The following S1PR5 variants were observed in gnomAD, a reference collection of about 807,000 sequenced individuals.
S1PR5 encodes the protein sphingosine-1-phosphate receptor 5, also known as sphingosine 1-phosphate receptor 5.
For missense variants in S1PR5, 583 were observed against 571.7 expected (o/e 1.02, Z -0.20); for synonymous variants, 307 against 284.7 (o/e 1.08, Z -0.79).
At position 10,517,406 on chromosome 19, in the gene S1PR5, C is replaced by T; in HGVS notation, c.-27G>A. 1.0e-6 allele frequency: 1 copy of T among 985,632 alleles called. No individual in the cohort carries two copies. Among genetic ancestry groups the T allele is most frequent in the Non-Finnish European group, 1.2e-6 (1 of 830,086 alleles). The allele number at this position is 985,632 out of a possible 1,614,324, so 61.1% of individuals were successfully genotyped here. A position where few individuals can be genotyped will look rare whatever the true frequency, so the allele number is the denominator to read the frequency against. ...CAGTGCAGTCCACTCACTCTGCGCC[C>T]TGGTCGTGCGCCACCCGCAGTCGCG... On this transcript the variant is annotated 5_prime_UTR_variant, in exon 1 of 2. Transcript: ENST00000333430.
intron 1 of S1PR5, among the ~76,000 whole-genome samples, chr19:10,516,117 G>T (rs774018703): frequency 2.0e-5 from 3 of 152,018 alleles, no homozygotes; most frequent in Non-Finnish European, 4.4e-5. Flanking sequence ...ACAGAGTGAC[G>T]CAGGCAGAAA....
Position 10,513,494 on chromosome 19 carries a change from G to A in S1PR5, c.*321C>T. 1 of 541,768 alleles carries A rather than the reference G, an allele frequency of 1.8e-6. No homozygotes were observed. The highest frequency in any genetic ancestry group is 3.2e-6 in the Non-Finnish European group (1 of 311,436). The allele number at this position is 541,768 out of a possible 1,614,324, so 33.6% of individuals were successfully genotyped here. On this transcript the variant is annotated 3_prime_UTR_variant, in exon 2 of 2. Coordinates refer to ENST00000333430, the MANE Select transcript of S1PR5 (RefSeq NM_030760.5). The stretch of plus-strand genomic sequence containing the variant: ...AATGCTTTTCTTTTGGTCTTCCCAG[G>A]ACAGAGGTCTCAGCTCACATCACAA...
chr19:10,513,700 A>C lies in S1PR5; in HGVS notation c.*115T>G. On this transcript the variant is annotated 3_prime_UTR_variant, in exon 2 of 2. Coordinates refer to ENST00000333430, the MANE Select transcript of S1PR5 (RefSeq NM_030760.5). ...CACATTGTGGGGTGTCGCTGCATAA[A>C]TACATTTCCCCTGCATCTTTTCCGA... The C allele has an allele frequency of 7.0e-7, 1 of 1,432,936 alleles. No homozygotes were observed. The highest frequency in any genetic ancestry group is 9.4e-7 in the Non-Finnish European group (1 of 1,060,464). 88.8% of individuals were successfully genotyped at this position (1,432,936 alleles called of 1,614,324 possible).
chr19:10,513,354 C>T lies in S1PR5; in HGVS notation c.*461G>A, dbSNP rs1257007420. 11 of 400,304 alleles carry T rather than the reference C, an allele frequency of 2.7e-5. No homozygotes were observed. Among genetic ancestry groups the T allele is most frequent in the East Asian group, 2.6e-4 (7 of 26,524 alleles). 24.8% of individuals were successfully genotyped at this position (400,304 alleles called of 1,614,324 possible). A position where few individuals can be genotyped will look rare whatever the true frequency, so the allele number is the denominator to read the frequency against. On this transcript the variant is annotated 3_prime_UTR_variant, in exon 2 of 2. Coordinates refer to ENST00000333430, the MANE Select transcript of S1PR5 (RefSeq NM_030760.5). ...AACTACTCCTTCAGCTCCTTGTCTC[C>T]TCCCATTCTCCCCCTCCGTCCCTGC...
chr19:10,513,643 C>A lies in S1PR5; in HGVS notation c.*172G>T. The A allele has an allele frequency of 1.1e-6, 1 of 884,104 alleles. No individual in the cohort carries two copies. The highest frequency in any genetic ancestry group is 3.1e-5 in the Admixed American group (1 of 32,498). The allele number at this position is 884,104 out of a possible 1,614,324, so 54.8% of individuals were successfully genotyped here. A position where few individuals can be genotyped will look rare whatever the true frequency, so the allele number is the denominator to read the frequency against. On this transcript the variant is annotated 3_prime_UTR_variant, in exon 2 of 2. Transcript: ENST00000333430. Reference sequence around the variant, plus strand: ...TGTGTTCCCAAGCAGAACGTCAATTCCACGAGGGCACAGATTTTTTGTCTG... The same window carrying A: ...TGTGTTCCCAAGCAGAACGTCAATTACACGAGGGCACAGATTTTTTGTCTG...
intron 1 of S1PR5, chr19:10,516,984 T>G (rs1160083961): frequency 6.6e-6 from 1 of 152,252 alleles, no homozygotes; most frequent in Non-Finnish European, 1.5e-5. Flanking sequence ...CCAGAGAGCT[T>G]CAGTCACACA....
In S1PR5 at chr19:10,514,784, G is replaced by A. The variant is rs1409401794; in HGVS notation, c.228C>T (p.Gly76=). 8.7e-6 allele frequency: 14 copies of A among 1,613,044 alleles called. No individual in the cohort carries two copies. Among genetic ancestry groups the A allele is most frequent in the East Asian group, 2.2e-5 (1 of 44,882 alleles). The change falls in exon 2 of 2, where the codon GGC becomes GGT. Residue 76 remains glycine (G), a synonymous_variant. Transcript: ENST00000333430. ...RFHAPMFLLL[G]SLTLSDLLAG... is the part of the protein sequence containing the mutation. ...CCAGCAGATCCGACAACGTGAGGCT[G>A]CCCAGGAGCAGGAACATGGGAGCGT...
rs897807620 is a variant in S1PR5 at position 10,513,417 on chromosome 19, A to G, written c.*398T>C. ...AGCATCGCTGCATTTCTTAGAACACATGGGCACATTTCAGCCTCAGGGCCT... is the reference window on the plus strand; with the variant it reads ...AGCATCGCTGCATTTCTTAGAACACGTGGGCACATTTCAGCCTCAGGGCCT... On this transcript the variant is annotated 3_prime_UTR_variant, in exon 2 of 2. Transcript: ENST00000333430. The G allele has an allele frequency of 2.6e-5, 12 of 468,430 alleles. No individual in the cohort carries two copies. The highest frequency in any genetic ancestry group is 1.8e-4 in the African/African-American group (9 of 48,768). 29.0% of individuals were successfully genotyped at this position (468,430 alleles called of 1,614,324 possible). A position where few individuals can be genotyped will look rare whatever the true frequency, so the allele number is the denominator to read the frequency against.
Position 10,513,425 on chromosome 19 carries a change from A to G in S1PR5, c.*390T>C. On this transcript the variant is annotated 3_prime_UTR_variant, in exon 2 of 2. Transcript: ENST00000333430. ...TGCATTTCTTAGAACACATGGGCACATTTCAGCCTCAGGGCCTTTGCGCAT... is the reference window on the plus strand; with the variant it reads ...TGCATTTCTTAGAACACATGGGCACGTTTCAGCCTCAGGGCCTTTGCGCAT... 1 of 474,540 alleles carries G rather than the reference A, an allele frequency of 2.1e-6. No homozygotes were observed. Among genetic ancestry groups the G allele is most frequent in the Non-Finnish European group, 3.7e-6 (1 of 272,952 alleles). The allele number at this position is 474,540 out of a possible 1,614,324, so 29.4% of individuals were successfully genotyped here. A position where few individuals can be genotyped will look rare whatever the true frequency, so the allele number is the denominator to read the frequency against.
chr19:10,516,102 C>T (rs1478629816), intron 1 of S1PR5, among the ~76,000 whole-genome samples: 2 of 152,104 alleles, frequency 1.3e-5, no homozygotes, highest in African/African-American at 2.4e-5. Context: ...ATACATCATA[C>T]AGGAACAGAG....
rs1395724745 is a variant in S1PR5 at position 10,514,681 on chromosome 19, G to T, written c.331C>A (p.Arg111=). ...AGTGCCACGAAGACGCCTCCCTCCC[G>T]TGCGAACCAGAGCGCGGGGGACAGT... ...LKLSPALWFA[R]EGGVFVALTA... is the part of the protein sequence containing the mutation. Residue 111 remains arginine (R), a synonymous_variant, in exon 2 of 2, where the codon CGG becomes AGG. Transcript: ENST00000333430. The T allele has an allele frequency of 2.5e-6, 4 of 1,608,522 alleles. No homozygotes were observed. Among genetic ancestry groups the T allele is most frequent in the African/African-American group, 1.3e-5 (1 of 74,906 alleles).
chr19:10,517,922 C>T (rs570367263), upstream of S1PR5: 87 of 155,252 alleles, frequency 5.6e-4, no homozygotes, highest in African/African-American at 1.9e-3. Context: ...CAGTGGGGGC[C>T]ACCTTAGCCT....
At position 10,513,906 on chromosome 19, in the gene S1PR5, T is replaced by TGGGGCGATGAGCGCTCC; in HGVS notation, c.1089_1105dup (p.Gln369ArgfsTer96). The TGGGGCGATGAGCGCTCC allele has an allele frequency of 6.2e-7, 1 of 1,609,414 alleles. No individual in the cohort carries two copies. The highest frequency in any genetic ancestry group is 8.5e-7 in the Non-Finnish European group (1 of 1,178,958). Reference sequence around the variant, plus strand: ...GCCGCTGGTGTCCAGCCCGTCGCGCTGGGGCGATGAGCGCTCCGAGCCGCT... The same window carrying TGGGGCGATGAGCGCTCC: ...GCCGCTGGTGTCCAGCCCGTCGCGCTGGGGCGATGAGCGCTCCGGGGCGATGAGCGCTCCGAGCCGCT... On this transcript the variant is annotated frameshift_variant, in exon 2 of 2. Transcript: ENST00000333430. LOFTEE classifies it low-confidence loss of function (END_TRUNC).
In S1PR5 at chr19:10,514,007, G is replaced by T. The variant is rs1055071598; in HGVS notation, c.1005C>A (p.Ser335=). 3 of 1,606,716 alleles carry T rather than the reference G, an allele frequency of 1.9e-6. No homozygotes were observed. The African/African-American group carries it at 4.0e-5, about 21-fold the overall frequency. The part of the protein sequence containing the change: ...RHSCGRDPSG[S]QQSASAAEAS... ...CCTCAGCCGCGCTCGCCGACTGCTGGGAGCCACTCGGGTCTCTGCCGCAGG... is the reference window on the plus strand; with the variant it reads ...CCTCAGCCGCGCTCGCCGACTGCTGTGAGCCACTCGGGTCTCTGCCGCAGG... The change falls in exon 2 of 2, where the codon TCC becomes TCA. Residue 335 remains serine, a synonymous_variant. Coordinates refer to ENST00000333430, the MANE Select transcript of S1PR5 (RefSeq NM_030760.5).
upstream of S1PR5, chr19:10,517,461 T>C (rs1915465896): frequency 2.0e-6 from 2 of 985,390 alleles, no homozygotes; most frequent in Admixed American, 6.1e-5. Context: ...CGGACGCCGC[T>C]CCGGGGGCGG....
upstream of S1PR5, chr19:10,517,772 G>A (rs1313882867): frequency 1.1e-6 from 1 of 870,642 alleles, no homozygotes; most frequent in Admixed American, 6.2e-5. Context: ...CAGCGGAGGG[G>A]TCTCCTCTGT....
intron 1 of S1PR5, among the ~76,000 whole-genome samples, chr19:10,515,757 C>G (rs1210208917): frequency 6.6e-6 from 1 of 151,870 alleles, no homozygotes; most frequent in African/African-American, 2.4e-5. Context: ...AGGAGAACCC[C>G]GTTTCTACAA....
Position 10,513,715 on chromosome 19 carries a change from A to G in S1PR5, c.*100T>C. 6.7e-7 allele frequency: 1 copy of G among 1,495,026 alleles called. No homozygotes were observed. Among genetic ancestry groups the G allele is most frequent in the Non-Finnish European group, 9.0e-7 (1 of 1,107,192 alleles). The allele number at this position is 1,495,026 out of a possible 1,614,324, so 92.6% of individuals were successfully genotyped here. ...CGCTGCATAAATACATTTCCCCTGC[A>G]TCTTTTCCGACTGCACCTTTGGCTG... is the stretch of plus-strand genomic sequence containing the variant. On this transcript the variant is annotated 3_prime_UTR_variant, in exon 2 of 2. Coordinates refer to ENST00000333430, the MANE Select transcript of S1PR5 (RefSeq NM_030760.5).
Position 10,514,478 on chromosome 19 carries a change from G to A in S1PR5, c.534C>T (p.Arg178=), listed in dbSNP as rs886630181. The change falls in exon 2 of 2, where the codon CGC becomes CGT. Residue 178 remains arginine, a synonymous_variant. Transcript: ENST00000333430. ...LPALGWNCLG[R]LDACSTVLPL... is the part of the protein sequence containing the mutation. ...GCAAGACAGTGGAGCAAGCGTCCAG[G>A]CGACCCAGGCAATTCCAGCCCAGCG... 4 of 1,606,454 alleles carry A rather than the reference G, an allele frequency of 2.5e-6. No homozygotes were observed. Among genetic ancestry groups the A allele is most frequent in the African/African-American group, 1.3e-5 (1 of 74,930 alleles).
Sources: allele counts gnomAD v4.1 joint callset (sites outside exome capture counted in the v4.1 genomes callset), GRCh38; gene constraint gnomAD v4.1.1; transcripts MANE v1.5; gene names NCBI Gene and HGNC (gene_info 2026-07-23, HGNC 2026-07-21).